Variants in UBE2E2 observed in about 807,000 individuals in gnomAD.
UBE2E2 encodes ubiquitin-conjugating enzyme E2 E2.
A neutral mutation model predicts 24.7 loss-of-function variants in UBE2E2; 6 were observed. The observed-to-expected ratio is 0.24, with a 90% CI of 0.13 to 0.48. The LOEUF (loss-of-function observed/expected upper bound fraction) is 0.48, where lower values mean the gene tolerates loss of function less well. Ranked by LOEUF, UBE2E2 falls within the 20% of genes least tolerant of loss-of-function variation. UBE2E2 has a pLI of 0.99. For missense variants in UBE2E2, 169 were observed against 245.0 expected (o/e 0.69, Z 2.07); for synonymous variants, 104 against 83.6 (o/e 1.24, Z -1.33).
intron 3 of UBE2E2, among the ~76,000 whole-genome samples, chr3:23,353,890 A>AG (rs1158952855): frequency 9.5e-4 from 144 of 152,352 alleles, no homozygotes; most frequent in African/African-American, 3.2e-3. Flanking sequence ...ACACTACTTT[A>AG]AAGTTCATAT....
chr3:23,249,452 T>C (rs961928585), intron 3 of UBE2E2, among the ~76,000 whole-genome samples: 3 of 152,164 alleles, frequency 2.0e-5, no homozygotes, highest in African/African-American at 7.2e-5. Context: ...GCAATTTTCA[T>C]TAAAAGCTTC....
intron 4 of UBE2E2, among the ~76,000 whole-genome samples, chr3:23,515,119 G>GT (rs1694698500): frequency 1.1e-5 from 1 of 94,812 alleles, no homozygotes; most frequent in African/African-American, 6.4e-5. Flanking sequence ...AATAAACTTG[G>GT]GGTGTGTGTG....
chr3:23,364,048 G>C (rs1375428793), intron 3 of UBE2E2, among the ~76,000 whole-genome samples: 1 of 151,924 alleles, frequency 6.6e-6, no homozygotes, highest in East Asian at 1.9e-4. Flanking sequence ...ATGACATTTG[G>C]GTAAACAATG....
In UBE2E2 at chr3:23,203,455, C is replaced by CG. The variant is rs1451743473; in HGVS notation, c.-18_-17insG. ...CGAGCCTGCGACCTGCACGGACACC[C>CG]CCCCCTCAGGTATTCGCTCGGGCCG... On this transcript the variant is annotated 5_prime_UTR_variant, in exon 1 of 6. Coordinates refer to ENST00000396703, the MANE Select transcript of UBE2E2 (RefSeq NM_152653.4). The CG allele has an allele frequency of 1.0e-6, 1 of 961,800 alleles. No individual in the cohort carries two copies. Among genetic ancestry groups the CG allele is most frequent in the East Asian group, 1.2e-4 (1 of 8,030 alleles). 59.6% of individuals were successfully genotyped at this position (961,800 alleles called of 1,614,324 possible).
intron 3 of UBE2E2, among the ~76,000 whole-genome samples, chr3:23,326,040 T>C (rs1258419626): frequency 6.6e-6 from 1 of 152,234 alleles, no homozygotes; most frequent in Non-Finnish European, 1.5e-5. Context: ...TCATTTTGAC[T>C]TCTTGTAGAT....
intron 3 of UBE2E2, among the ~76,000 whole-genome samples, chr3:23,234,281 A>G (rs1243112990): frequency 6.6e-6 from 1 of 152,020 alleles, no homozygotes; most frequent in Non-Finnish European, 1.5e-5. Flanking sequence ...GACATGACCA[A>G]ACTGAGTGCA....
intron 3 of UBE2E2, among the ~76,000 whole-genome samples, chr3:23,271,874 A>G (rs1698252459): frequency 6.6e-6 from 1 of 152,222 alleles, no homozygotes; most frequent in Admixed American, 6.5e-5. Context: ...ACCCTGAGCT[A>G]GACACAGAGT....
At chr3:23,492,067 G>A (rs1235600003) in intron 3 of UBE2E2, among the ~76,000 whole-genome samples, 1 of 152,140 alleles carries the variant, frequency 6.6e-6, no homozygotes, top group East Asian at 1.9e-4. Context: ...AAGGTGAAGA[G>A]ACTAGGTAGC....
chr3:23,528,228 C>A (rs1317983883), intron 4 of UBE2E2, among the ~76,000 whole-genome samples: 1 of 152,230 alleles, frequency 6.6e-6, no homozygotes, highest in Admixed American at 6.5e-5. Context: ...CATTTTGATT[C>A]TTCCAATCTC....
chr3:23,272,634 TC>T (rs1559328802), intron 3 of UBE2E2, among the ~76,000 whole-genome samples: 1 of 152,124 alleles, frequency 6.6e-6, no homozygotes, highest in Non-Finnish European at 1.5e-5. Context: ...TAGTCATAGT[TC>T]TACAGAGAAA....
At chr3:23,510,426 G>C (rs1377641155) in intron 4 of UBE2E2, among the ~76,000 whole-genome samples, 1 of 152,112 alleles carries the variant, frequency 6.6e-6, no homozygotes, top group African/African-American at 2.4e-5. Flanking sequence ...GACCAACATG[G>C]TGAAACCCTT....
intron 3 of UBE2E2, among the ~76,000 whole-genome samples, chr3:23,416,067 C>T (rs765730573): frequency 1.4e-3 from 218 of 152,316 alleles, no homozygotes; most frequent in Non-Finnish European, 2.0e-3. Flanking sequence ...CTACAAAGGA[C>T]GTGAACTCAT....
chr3:23,283,703 T>C (rs1479610653), intron 3 of UBE2E2, among the ~76,000 whole-genome samples: 1 of 151,882 alleles, frequency 6.6e-6, no homozygotes, highest in Non-Finnish European at 1.5e-5. Flanking sequence ...CAGTGAGCCA[T>C]GATCACAGCA....
intron 4 of UBE2E2, among the ~76,000 whole-genome samples, chr3:23,526,531 A>C (rs1695003029): frequency 6.6e-6 from 1 of 152,210 alleles, no homozygotes; most frequent in South Asian, 2.1e-4. Flanking sequence ...GAAAGACAAT[A>C]CTTTCATGAG....
At chr3:23,435,975 G>A (rs1201188803) in intron 3 of UBE2E2, among the ~76,000 whole-genome samples, 1 of 152,108 alleles carries the variant, frequency 6.6e-6, no homozygotes, top group Non-Finnish European at 1.5e-5. Flanking sequence ...ATTCTCATAA[G>A]GAGCGCACAG....
chr3:23,365,507 C>A (rs894943043), intron 3 of UBE2E2, among the ~76,000 whole-genome samples: 9 of 152,108 alleles, frequency 5.9e-5, no homozygotes, highest in African/African-American at 1.9e-4. Context: ...AGAACACAAT[C>A]GCATTCACAA....
At chr3:23,299,293 C>T (rs1699004760) in intron 3 of UBE2E2, among the ~76,000 whole-genome samples, 1 of 152,106 alleles carries the variant, frequency 6.6e-6, no homozygotes, top group Non-Finnish European at 1.5e-5. Flanking sequence ...TTCAGTTCTG[C>T]TCTGATTTTA....
intron 3 of UBE2E2, among the ~76,000 whole-genome samples, chr3:23,303,697 T>C (rs1699166773): frequency 6.6e-6 from 1 of 152,182 alleles, no homozygotes; most frequent in South Asian, 2.1e-4. Context: ...ATCTGAAGAA[T>C]TGTTGGTCTT....
At chr3:23,203,867 T>C (rs576972696) in intron 1 of UBE2E2, among the ~76,000 whole-genome samples, 1 of 152,158 alleles carries the variant, frequency 6.6e-6, no homozygotes, top group East Asian at 1.9e-4. Context: ...CTTTTGCTAT[T>C]TTCCCTAATT....
Sources: allele counts gnomAD v4.1 joint callset (sites outside exome capture counted in the v4.1 genomes callset), GRCh38; gene constraint gnomAD v4.1.1; transcripts MANE v1.5; gene names NCBI Gene and HGNC (gene_info 2026-07-23, HGNC 2026-07-21).